TSNARE1: variants seen among roughly 807,000 people sequenced by gnomAD.
The protein encoded by TSNARE1 is t-SNARE domain containing 1.
In TSNARE1, 49 loss-of-function variants were observed where a neutral mutation model predicts 62.0. The observed-to-expected ratio is 0.79, with a 90% CI of 0.63 to 1.00. The LOEUF (loss-of-function observed/expected upper bound fraction) is 1.00. TSNARE1 is among the 50% of genes least tolerant of loss of function. The pLI, the probability that TSNARE1 is intolerant of heterozygous loss-of-function variation, is 0.00. For synonymous variants in TSNARE1, 328 were observed against 294.4 expected, an observed-to-expected ratio of 1.11 and a Z score of -1.17; for missense variants, 755 against 700.1, an observed-to-expected ratio of 1.08 and a Z score of -0.88.
At chr8:142,277,312 A>G in intron 11 of TSNARE1, 3 of 985,360 alleles carry the variant, frequency 3.0e-6, no homozygotes, top group Non-Finnish European at 3.6e-6. Context: ...CGCCCTCCCC[A>G]GACACTCGCA....
chr8:142,393,237 G>A (rs1272347160), intron 1 of TSNARE1, among the ~76,000 whole-genome samples: 8 of 152,150 alleles, frequency 5.3e-5, no homozygotes, highest in Admixed American at 1.3e-4. Context: ...GCCAATCCCC[G>A]GCCACACACT....
chr8:142,267,628 G>A (rs913375974), intron 12 of TSNARE1, among the ~76,000 whole-genome samples: 12 of 152,208 alleles, frequency 7.9e-5, no homozygotes, highest in African/African-American at 1.9e-4. Context: ...GAGGGGACCC[G>A]GGCTCTCTAG....
chr8:142,242,947 CAA>C (rs35092120), intron 12 of TSNARE1, among the ~76,000 whole-genome samples: 5 of 51,368 alleles, frequency 9.7e-5, no homozygotes, highest in Admixed American at 2.6e-4. Context: ...AACTCTGTCT[CAA>C]AAAAAAAAAA....
intron 1 of TSNARE1, among the ~76,000 whole-genome samples, chr8:142,384,041 G>A (rs532197939): frequency 1.5e-3 from 228 of 152,296 alleles, no homozygotes; most frequent in African/African-American, 5.2e-3. Flanking sequence ...CATGTTCCCT[G>A]AGCATGGCCA....
At chr8:142,318,205 G>A (rs908227831) in intron 7 of TSNARE1, among the ~76,000 whole-genome samples, 1 of 152,174 alleles carries the variant, frequency 6.6e-6, no homozygotes, top group Non-Finnish European at 1.5e-5. Flanking sequence ...GCAGGGGAGA[G>A]GATGGTGAAA....
At chr8:142,260,334 G>C (rs1207530956) in intron 12 of TSNARE1, among the ~76,000 whole-genome samples, 1 of 152,106 alleles carries the variant, frequency 6.6e-6, no homozygotes, top group East Asian at 1.9e-4. Flanking sequence ...AGGGAAGGAG[G>C]GAAGAAAAGC....
chr8:142,327,132 GA>G (rs1830385601), intron 6 of TSNARE1, among the ~76,000 whole-genome samples: 1 of 151,984 alleles, frequency 6.6e-6, no homozygotes, highest in Non-Finnish European at 1.5e-5. Flanking sequence ...CAAGACAGGT[GA>G]AAATCTACAC....
intron 12 of TSNARE1, chr8:142,270,483 T>G: frequency 8.9e-6 from 1 of 112,254 alleles, no homozygotes. Flanking sequence ...TATATAGGCA[T>G]ATATATATAT....
intron 4 of TSNARE1, among the ~76,000 whole-genome samples, chr8:142,340,338 G>A (rs1166208978): frequency 6.6e-6 from 1 of 152,180 alleles, no homozygotes; most frequent in Non-Finnish European, 1.5e-5. Context: ...GGATCACAGA[G>A]CAGACAGAGG....
chr8:142,382,488 C>T (rs909878896), intron 1 of TSNARE1, among the ~76,000 whole-genome samples: 11 of 152,206 alleles, frequency 7.2e-5, no homozygotes, highest in African/African-American at 2.4e-4. Context: ...CAGCAAGATG[C>T]CAGCGCCTGA....
At chr8:142,302,928 A>G (rs1268100884) in intron 9 of TSNARE1, among the ~76,000 whole-genome samples, 2 of 151,994 alleles carry the variant, frequency 1.3e-5, no homozygotes, top group African/African-American at 4.8e-5. Flanking sequence ...GGCAAGGCAC[A>G]GTGAAGGATC....
chr8:142,380,430 G>A (rs987230818), intron 1 of TSNARE1, among the ~76,000 whole-genome samples: 1 of 152,180 alleles, frequency 6.6e-6, no homozygotes, highest in Non-Finnish European at 1.5e-5. Flanking sequence ...GCATCGTGGA[G>A]CCTCCTGCGG....
At chr8:142,357,705 G>A (rs1235260241) in intron 1 of TSNARE1, among the ~76,000 whole-genome samples, 4 of 152,246 alleles carry the variant, frequency 2.6e-5, no homozygotes, top group African/African-American at 7.2e-5. Flanking sequence ...AGAGGGGCTG[G>A]CACAGGCAGG....
chr8:142,260,995 G>GAGA (rs1563786649), intron 12 of TSNARE1, among the ~76,000 whole-genome samples: 1 of 36,516 alleles, frequency 2.7e-5, no homozygotes, highest in Non-Finnish European at 6.9e-5. Flanking sequence ...GAGAGAGGGA[G>GAGA]GGGGGTGGGG....
chr8:142,322,657 G>A (rs567729959), intron 6 of TSNARE1, among the ~76,000 whole-genome samples: 2 of 152,372 alleles, frequency 1.3e-5, no homozygotes, highest in African/African-American at 4.8e-5. Context: ...ATAAGAGAAA[G>A]GCCAGCCTGT....
intron 12 of TSNARE1, among the ~76,000 whole-genome samples, chr8:142,233,387 G>C (rs2130108683): frequency 6.6e-6 from 1 of 152,242 alleles, no homozygotes; most frequent in East Asian, 1.9e-4. Flanking sequence ...TCGTGCTGGG[G>C]AAGCCTGGCC....
intron 12 of TSNARE1, among the ~76,000 whole-genome samples, chr8:142,253,322 C>T (rs1586856376): frequency 6.6e-6 from 1 of 152,186 alleles, no homozygotes. Flanking sequence ...GTGCGTGCCG[C>T]GTCTGCACAG....
At chr8:142,275,391 G>T in intron 11 of TSNARE1, 1 of 985,420 alleles carries the variant, frequency 1.0e-6, no homozygotes, top group Non-Finnish European at 1.2e-6. Flanking sequence ...GCCGTGCGGG[G>T]ATCACGGGAG....
intron 1 of TSNARE1, among the ~76,000 whole-genome samples, chr8:142,363,895 G>A (rs1835341945): frequency 6.6e-6 from 1 of 152,210 alleles, no homozygotes; most frequent in Non-Finnish European, 1.5e-5. Context: ...CAAGACCATA[G>A]TCTCATGTGG....
Sources: gnomAD v4.1 joint callset for allele counts (sites outside exome capture counted in the v4.1 genomes callset) on GRCh38, gnomAD v4.1.1 for gene constraint, MANE v1.5 for transcripts, NCBI Gene and HGNC (gene_info 2026-07-23, HGNC 2026-07-21) for gene names.